CERS3: variants seen among roughly 807,000 people sequenced by gnomAD.
CERS3 encodes ceramide synthase 3, also known as LAG1 homolog, ceramide synthase 3.
A neutral mutation model predicts 50.3 loss-of-function variants in CERS3; 33 were observed. The ratio of observed to expected loss-of-function variants is 0.66; its 90% confidence interval spans 0.50 to 0.88. CERS3 has a LOEUF of 0.88. CERS3 is among the 40% of genes least tolerant of loss of function. The pLI is 0.00. For synonymous variants in CERS3, 176 were observed against 155.2 expected (o/e 1.13, Z -0.99); for missense variants, 470 against 460.3 (o/e 1.02, Z -0.19).
chr15:100,491,417 A>T (rs996409915), intron 3 of CERS3, among the ~76,000 whole-genome samples: 6 of 152,158 alleles, frequency 3.9e-5, no homozygotes, highest in African/African-American at 1.4e-4. Context: ...CTTTATAAAA[A>T]ACTGGCAAGT....
chr15:100,539,892 C>A lies in CERS3; in HGVS notation c.-355+4759G>T, dbSNP rs2037158603. ...CTGAAAGTGGTGCTGAGATTGCAGT[C>A]CTAGGAGGCTGTTTCCCTTCCCTTT... On this transcript the variant is annotated intron_variant, in intron 1 of 12. Transcript: ENST00000284382. Among the ~76,000 whole-genome samples, 5 of 152,244 alleles carry A rather than the reference C, an allele frequency of 3.3e-5. No individual in the cohort carries two copies. The South Asian group carries it at 1.0e-3, about 32-fold the overall frequency.
chr15:100,450,998 T>A (rs568082441), intron 11 of CERS3, among the ~76,000 whole-genome samples: 1 of 152,160 alleles, frequency 6.6e-6, no homozygotes, highest in Non-Finnish European at 1.5e-5. Flanking sequence ...TTTCCAGATA[T>A]GCAAAAACTA....
At chr15:100,425,927 T>C (rs1401204904) in intron 11 of CERS3, 1 of 152,126 alleles carries the variant, frequency 6.6e-6, no homozygotes, top group African/African-American at 2.4e-5. Context: ...GAGTGAGTTC[T>C]TACGAGATCT....
intron 11 of CERS3, among the ~76,000 whole-genome samples, chr15:100,424,278 C>T (rs1008652179): frequency 1.3e-5 from 2 of 152,142 alleles, no homozygotes; most frequent in Admixed American, 1.3e-4. Context: ...CTGACTAATA[C>T]AGAAACTTGG....
intron 11 of CERS3, among the ~76,000 whole-genome samples, chr15:100,438,504 T>C (rs745466602): frequency 1.3e-5 from 2 of 152,230 alleles, no homozygotes; most frequent in African/African-American, 2.4e-5. Context: ...GTTATTAATT[T>C]TTTTACCTTA....
Position 100,469,427 on chromosome 15 carries a change from TG to T in CERS3, c.795del (p.Phe265LeufsTer24). ...GWTQTCNTLF[F>X]IFSTIFFISR... is the part of the protein sequence containing the mutation. ...CTGATGAAAAATATGGTGGAGAAGATGAAAAACAGGGTGTTACAGGTCTGCG... is the reference window on the plus strand; with the variant it reads ...CTGATGAAAAATATGGTGGAGAAGATAAAAACAGGGTGTTACAGGTCTGCG... On this transcript the variant is annotated frameshift_variant, in exon 10 of 12. Transcript: ENST00000679737. LOFTEE classifies it high-confidence loss of function. 6.2e-7 allele frequency: 1 copy of T among 1,613,960 alleles called. No homozygotes were observed. The highest frequency in any genetic ancestry group is 8.5e-7 in the Non-Finnish European group (1 of 1,179,920).
At chr15:100,477,769 T>G (rs1018467373) in intron 7 of CERS3, among the ~76,000 whole-genome samples, 10 of 152,278 alleles carry the variant, frequency 6.6e-5, no homozygotes, top group African/African-American at 2.2e-4. Context: ...GGTGTTCAGG[T>G]TGACTAAGGA....
chr15:100,403,950 G>C lies in CERS3; in HGVS notation c.1000-1085C>G, dbSNP rs145331985. On this transcript the variant is annotated intron_variant, in intron 11 of 11. Transcript: ENST00000679737. Reference sequence around the variant, plus strand: ...GATGTGATTAAGATCCTTGAGATGAGAATAGTATCCTAGATTATGTAAGTG... The same window carrying C: ...GATGTGATTAAGATCCTTGAGATGACAATAGTATCCTAGATTATGTAAGTG... 8.6e-3 allele frequency among the ~76,000 whole-genome samples: 1,312 copies of C among 152,304 alleles called. 24 individuals are homozygous for C. Among genetic ancestry groups the C allele is most frequent in the Admixed American group, 0.05 (767 of 15,300 alleles).
intron 11 of CERS3, among the ~76,000 whole-genome samples, chr15:100,449,964 G>A (rs942265075): frequency 6.6e-6 from 1 of 151,988 alleles, no homozygotes; most frequent in Admixed American, 6.6e-5. Flanking sequence ...TGAGATATAA[G>A]AGAACACAGA....
chr15:100,471,478 A>C (rs1397984080), intron 9 of CERS3, among the ~76,000 whole-genome samples: 2 of 152,188 alleles, frequency 1.3e-5, no homozygotes, highest in Non-Finnish European at 2.9e-5. Flanking sequence ...TTAATAACAC[A>C]ATGAGGCTGT....
chr15:100,532,635 T>G (rs11247217), upstream of CERS3, among the ~76,000 whole-genome samples: 66,866 of 151,616 alleles, frequency 0.44, 15,036 homozygotes, highest in Admixed American at 0.47. Context: ...GTATGGTAGC[T>G]GTGATCCCAG....
At chr15:100,422,838 A>G (rs1215577005) in intron 11 of CERS3, among the ~76,000 whole-genome samples, 2 of 145,124 alleles carry the variant, frequency 1.4e-5, no homozygotes, top group Non-Finnish European at 3.0e-5. Flanking sequence ...CGCAAGAACA[A>G]AAAACCAAAC....
intron 11 of CERS3, among the ~76,000 whole-genome samples, chr15:100,443,275 C>A (rs1393460002): frequency 0.011 from 1,510 of 143,434 alleles, 1 homozygote; most frequent in African/African-American, 0.042. Context: ...CCGCTCAACG[C>A]CAATATCCCA....
chr15:100,517,456 C>T (rs2036524027), intron 2 of CERS3, among the ~76,000 whole-genome samples: 1 of 152,040 alleles, frequency 6.6e-6, no homozygotes, highest in Non-Finnish European at 1.5e-5. Context: ...GGGGTGATTT[C>T]CTCAGTGACA....
At chr15:100,450,808 A>C (rs1454032434) in intron 11 of CERS3, among the ~76,000 whole-genome samples, 1 of 152,160 alleles carries the variant, frequency 6.6e-6, no homozygotes, top group East Asian at 1.9e-4. Context: ...ACAGCAACAG[A>C]AATGTGTCTA....
chr15:100,453,558 A>ACAC (rs1470921194), intron 11 of CERS3, among the ~76,000 whole-genome samples: 1 of 152,226 alleles, frequency 6.6e-6, no homozygotes, highest in Admixed American at 6.5e-5. Context: ...TAAATGGTGA[A>ACAC]AGGCTGAAAG....
intron 11 of CERS3, among the ~76,000 whole-genome samples, chr15:100,446,034 C>A (rs907509500): frequency 9.2e-5 from 14 of 152,214 alleles, no homozygotes; most frequent in Admixed American, 3.9e-4. Context: ...CACTAGAGAA[C>A]AACCCCCCTT....
intron 11 of CERS3, among the ~76,000 whole-genome samples, chr15:100,442,104 A>G (rs2033707957): frequency 6.6e-6 from 1 of 152,148 alleles, no homozygotes; most frequent in Admixed American, 6.5e-5. Context: ...AGGTGGCTGG[A>G]GAGCTAAAGG....
chr15:100,460,534 A>G (rs59659842), intron 10 of CERS3, among the ~76,000 whole-genome samples: 4,017 of 152,240 alleles, frequency 0.026, 195 homozygotes, highest in African/African-American at 0.091. Flanking sequence ...CCTAGAATGT[A>G]CTTTCTCTTT....
Sources: allele counts gnomAD v4.1 joint callset (sites outside exome capture counted in the v4.1 genomes callset), GRCh38; gene constraint gnomAD v4.1.1; transcripts MANE v1.5; gene names NCBI Gene and HGNC (gene_info 2026-07-23, HGNC 2026-07-21).